Variants in NTRK2 observed in about 807,000 individuals in gnomAD.
NTRK2 encodes neurotrophic receptor tyrosine kinase 2, also known as BDNF/NT-3 growth factors receptor.
Under a neutral mutation model 94.5 loss-of-function variants are expected in NTRK2, and 13 were observed. The observed-to-expected ratio is 0.14, with a 90% CI of 0.09 to 0.22. The LOEUF is 0.22. NTRK2 is among the 10% of genes least tolerant of loss of function. The probability of loss-of-function intolerance (pLI) is 1.00; values close to 1 mark genes in which losing one functional copy is unlikely to be tolerated. For synonymous variants in NTRK2, 372 were observed against 407.4 expected, an observed-to-expected ratio of 0.91 and a Z score of 1.05; for missense variants, 639 against 1,071.2, an observed-to-expected ratio of 0.60 and a Z score of 5.63.
At chr9:84,693,597 T>A (rs1406823876) in intron 2 of NTRK2, among the ~76,000 whole-genome samples, 1 of 152,164 alleles carries the variant, frequency 6.6e-6, no homozygotes, top group Non-Finnish European at 1.5e-5. Context: ...CACCAGCTAG[T>A]TAGTAACCAA....
intron 14 of NTRK2, chr9:84,876,530 A>G: frequency 3.8e-6 from 4 of 1,055,688 alleles, no homozygotes; most frequent in Non-Finnish European, 4.6e-6. Flanking sequence ...ATCAGAACTC[A>G]TGTTCTTACC....
chr9:84,982,364 A>T (rs1276869419), intron 17 of NTRK2, among the ~76,000 whole-genome samples: 1 of 152,188 alleles, frequency 6.6e-6, no homozygotes, highest in Non-Finnish European at 1.5e-5. Flanking sequence ...ATGAAGAAAC[A>T]GATCTATCTG....
chr9:84,701,554 C>T (rs373783303), intron 2 of NTRK2, among the ~76,000 whole-genome samples: 4 of 152,002 alleles, frequency 2.6e-5, no homozygotes, highest in Non-Finnish European at 5.9e-5. Context: ...GAGGTTCCCA[C>T]GGAGAATGCG....
At chr9:84,785,033 T>C (rs2067984129) in intron 12 of NTRK2, among the ~76,000 whole-genome samples, 1 of 152,198 alleles carries the variant, frequency 6.6e-6, no homozygotes, top group Non-Finnish European at 1.5e-5. Flanking sequence ...GGTTGGGAAC[T>C]ACAGAGAGAA....
intron 11 of NTRK2, among the ~76,000 whole-genome samples, chr9:84,751,431 A>G (rs2064599254): frequency 1.3e-5 from 2 of 152,120 alleles, no homozygotes; most frequent in Non-Finnish European, 2.9e-5. Flanking sequence ...AAACTTAAAA[A>G]TGAGCCAGGT....
intron 6 of NTRK2, among the ~76,000 whole-genome samples, chr9:84,713,510 A>G (rs1293645887): frequency 6.6e-6 from 1 of 152,116 alleles, no homozygotes; most frequent in Non-Finnish European, 1.5e-5. Flanking sequence ...TTCTTTGTAT[A>G]TCATAGACTT....
chr9:84,813,977 T>G, intron 12 of NTRK2: 1 of 1,065,388 alleles, frequency 9.4e-7, no homozygotes, highest in Non-Finnish European at 1.1e-6. Context: ...ACTGACTCTG[T>G]GACGACAAAA....
chr9:84,870,333 A>ATT (rs1480414589), intron 14 of NTRK2, among the ~76,000 whole-genome samples: 1 of 36,594 alleles, frequency 2.7e-5, no homozygotes, highest in African/African-American at 7.3e-5. Flanking sequence ...GTGTGTGTGT[A>ATT]TATATATATA....
intron 11 of NTRK2, among the ~76,000 whole-genome samples, chr9:84,750,096 C>A (rs1200818014): frequency 6.6e-6 from 1 of 152,136 alleles, no homozygotes; most frequent in Non-Finnish European, 1.5e-5. Flanking sequence ...GGTTCCTCAA[C>A]CTTGGCACTA....
intron 17 of NTRK2, among the ~76,000 whole-genome samples, chr9:84,969,157 G>C (rs1426157185): frequency 1.3e-5 from 2 of 152,208 alleles, no homozygotes; most frequent in Non-Finnish European, 2.9e-5. Context: ...ACTGGCTGCT[G>C]TCCTGTACTC....
chr9:84,792,961 T>C (rs925805411), intron 12 of NTRK2, among the ~76,000 whole-genome samples: 6 of 152,184 alleles, frequency 3.9e-5, no homozygotes, highest in Non-Finnish European at 5.9e-5. Context: ...TGCTACATAA[T>C]GTGTAGCTGT....
chr9:84,690,479 A>G (rs921108835), intron 2 of NTRK2, among the ~76,000 whole-genome samples: 8 of 152,144 alleles, frequency 5.3e-5, no homozygotes, highest in Non-Finnish European at 1.2e-4. Flanking sequence ...AGAGTCATAA[A>G]TGGGAAATGT....
At chr9:84,679,010 T>C (rs1396506815) in intron 2 of NTRK2, among the ~76,000 whole-genome samples, 1 of 152,168 alleles carries the variant, frequency 6.6e-6, no homozygotes, top group African/African-American at 2.4e-5. Flanking sequence ...GGTGCCCTTA[T>C]AAAAGAGACT....
chr9:84,775,310 C>T (rs1282553789), intron 12 of NTRK2, among the ~76,000 whole-genome samples: 1 of 152,226 alleles, frequency 6.6e-6, no homozygotes, highest in Non-Finnish European at 1.5e-5. Flanking sequence ...ACAACTCCAG[C>T]CTCTTGACTC....
At chr9:84,926,705 C>A (rs1587955970) in intron 14 of NTRK2, among the ~76,000 whole-genome samples, 2 of 152,114 alleles carry the variant, frequency 1.3e-5, no homozygotes. Context: ...TATTCAATTA[C>A]TCATCTATTT....
intron 9 of NTRK2, among the ~76,000 whole-genome samples, chr9:84,728,801 G>A (rs749506608): frequency 3.3e-5 from 5 of 152,170 alleles, no homozygotes; most frequent in South Asian, 2.1e-4. Flanking sequence ...CAGCAGGAGC[G>A]TGTCAGTGTG....
At chr9:84,875,863 T>G in intron 14 of NTRK2, 2 of 1,042,200 alleles carry the variant, frequency 1.9e-6, no homozygotes, top group Non-Finnish European at 1.2e-6. Flanking sequence ...AATATGTTAG[T>G]GTTGATATTT....
At position 85,023,911 on chromosome 9, in the gene NTRK2, G is replaced by A. The variant is rs1227623310; in HGVS notation, c.*2474G>A. On this transcript the variant is annotated 3_prime_UTR_variant, in exon 19 of 19. Transcript: ENST00000277120. ...AATAATTTAAGGGATCAAATTCAAG[G>A]AGGAATGTGCAATTTTAGAGCAAAG... The A allele has an allele frequency of 1.7e-5, 4 of 229,910 alleles. No individual in the cohort carries two copies. The highest frequency in any genetic ancestry group is 3.4e-5 in the Non-Finnish European group (4 of 116,130). 14.2% of individuals were successfully genotyped at this position (229,910 alleles called of 1,614,324 possible).
rs147401445 is a variant in NTRK2 at position 84,822,014 on chromosome 9, T to A, written c.1397-39026T>A. On this transcript the variant is annotated intron_variant, in intron 12 of 18. Coordinates refer to ENST00000277120, the MANE Select transcript of NTRK2 (RefSeq NM_006180.6). ...TACAGAGAGTGACAACCTGTGTTTG[T>A]CATTTTCACCATAAAGGACTTCTTG... Among the ~76,000 whole-genome samples, 503 of 152,340 alleles carry A rather than the reference T, an allele frequency of 3.3e-3. 2 individuals are homozygous for A. Among genetic ancestry groups the A allele is most frequent in the Non-Finnish European group, 5.7e-3 (390 of 68,034 alleles).
Sources: gnomAD v4.1 joint callset for allele counts (sites outside exome capture counted in the v4.1 genomes callset) on GRCh38, gnomAD v4.1.1 for gene constraint, MANE v1.5 for transcripts, NCBI Gene and HGNC (gene_info 2026-07-23, HGNC 2026-07-21) for gene names.